Variants in DPP10 observed in about 807,000 individuals in gnomAD.
DPP10 encodes dipeptidyl peptidase like 10.
Under a neutral mutation model 120.9 loss-of-function variants are expected in DPP10, and 33 were observed. The ratio of observed to expected loss-of-function variants is 0.27; its 90% CI spans 0.21 to 0.37. The LOEUF (loss-of-function observed/expected upper bound fraction) is 0.37, where lower values mean the gene tolerates loss of function less well. DPP10 is among the 10% of genes least tolerant of loss of function. The pLI is 1.00. For synonymous variants in DPP10, 337 were observed against 326.1 expected (o/e 1.03, Z -0.36); for missense variants, 816 against 942.8 (o/e 0.87, Z 1.76).
At chr2:115,263,369 T>C (rs1469842445) in intron 1 of DPP10, among the ~76,000 whole-genome samples, 1 of 152,212 alleles carries the variant, frequency 6.6e-6, no homozygotes, top group Admixed American at 6.5e-5. Context: ...AAACCAAGTC[T>C]GTGTTGTGGC....
chr2:115,022,111 G>A (rs1703119319), intron 1 of DPP10, among the ~76,000 whole-genome samples: 1 of 152,066 alleles, frequency 6.6e-6, no homozygotes, highest in South Asian at 2.1e-4. Context: ...AACATAATAA[G>A]GATGCCCATT....
chr2:115,429,845 ACT>A (rs1199472764), intron 3 of DPP10, among the ~76,000 whole-genome samples: 2 of 152,076 alleles, frequency 1.3e-5, no homozygotes, highest in Non-Finnish European at 2.9e-5. Flanking sequence ...GGGTTTTCAC[ACT>A]CTGTTGAAAA....
chr2:115,742,658 G>T (rs1677433765), intron 9 of DPP10, among the ~76,000 whole-genome samples: 1 of 151,986 alleles, frequency 6.6e-6, no homozygotes, highest in Non-Finnish European at 1.5e-5. Flanking sequence ...TCAATTTTCA[G>T]ATTTTTTATT....
intron 5 of DPP10, among the ~76,000 whole-genome samples, chr2:115,597,942 AC>A (rs201611731): frequency 0.012 from 1,882 of 152,102 alleles, 30 homozygotes; most frequent in African/African-American, 0.044. Context: ...AAAATTCTAA[AC>A]TTCAGTTATT....
At chr2:115,379,608 T>C (rs1480726559) in intron 3 of DPP10, among the ~76,000 whole-genome samples, 1 of 152,140 alleles carries the variant, frequency 6.6e-6, no homozygotes, top group Admixed American at 6.5e-5. Flanking sequence ...TTGAATGTGT[T>C]TGCTCTTGCT....
At chr2:114,583,012 T>C (rs1690664105) in intron 1 of DPP10, among the ~76,000 whole-genome samples, 1 of 152,190 alleles carries the variant, frequency 6.6e-6, no homozygotes, top group South Asian at 2.1e-4. Context: ...GGAATCTGCA[T>C]TTCTAACAAG....
chr2:115,354,470 T>C (rs2106321021), intron 3 of DPP10, among the ~76,000 whole-genome samples: 1 of 152,294 alleles, frequency 6.6e-6, no homozygotes, highest in Admixed American at 6.5e-5. Context: ...GTTTCTGCAT[T>C]AATTAGCATA....
intron 1 of DPP10, among the ~76,000 whole-genome samples, chr2:115,203,696 T>C (rs968114396): frequency 2.0e-5 from 3 of 152,162 alleles, no homozygotes; most frequent in Non-Finnish European, 2.9e-5. Flanking sequence ...GTTGGCACTT[T>C]GGCTTTGACC....
At chr2:115,292,182 C>G (rs11695752) in intron 1 of DPP10, among the ~76,000 whole-genome samples, 123,690 of 152,074 alleles carry the variant, frequency 0.81, 50,430 homozygotes, top group East Asian at 0.89. Context: ...CCAGTATTCA[C>G]CTAAACTTCA....
chr2:114,869,085 T>A, intron 1 of DPP10, among the ~76,000 whole-genome samples: 1 of 152,096 alleles, frequency 6.6e-6, no homozygotes, highest in East Asian at 1.9e-4. Flanking sequence ...TTTATTTTAT[T>A]TAAGAAGGAT....
At chr2:114,872,883 T>C (rs1690807511) in intron 1 of DPP10, among the ~76,000 whole-genome samples, 2 of 152,152 alleles carry the variant, frequency 1.3e-5, no homozygotes, top group Non-Finnish European at 2.9e-5. Flanking sequence ...CTACATAAAT[T>C]ACACGTTCAT....
chr2:115,825,851 G>T (rs928655040), intron 21 of DPP10, among the ~76,000 whole-genome samples: 1 of 152,214 alleles, frequency 6.6e-6, no homozygotes, highest in East Asian at 1.9e-4. Context: ...TCTAGAATTG[G>T]GCAAGACTTC....
intron 1 of DPP10, among the ~76,000 whole-genome samples, chr2:114,601,126 T>C (rs188785524): frequency 1.2e-4 from 19 of 152,002 alleles, no homozygotes; most frequent in African/African-American, 4.6e-4. Flanking sequence ...TGATTTTGTA[T>C]AACATCTTAT....
intron 1 of DPP10, chr2:115,297,287 T>A: frequency 2.5e-6 from 1 of 407,018 alleles, no homozygotes; most frequent in South Asian, 1.8e-5. Flanking sequence ...AAGCCTTATC[T>A]TAAATCATAA....
In DPP10 at chr2:115,104,553, A is replaced by G. The variant is rs546312277; in HGVS notation, c.61-204686A>G. Among the ~76,000 whole-genome samples the G allele has an allele frequency of 7.9e-5, 12 of 152,206 alleles. No homozygotes were observed. In the South Asian group the frequency reaches 2.3e-3, roughly 29 times the overall value. On this transcript the variant is annotated intron_variant, in intron 1 of 25. Transcript: ENST00000410059. ...TATGTGATCTTCCTTGTTCCTTCAC[A>G]CTGAGTAAGGTTTCATCCCTGTTTT...
rs558695816 is a variant in DPP10, at chr2:114,874,228, C to T, written c.60+431390C>T. 5.3e-5 allele frequency among the ~76,000 whole-genome samples: 8 copies of T among 152,216 alleles called. No homozygotes were observed. In the South Asian group the frequency reaches 8.3e-4, roughly 16 times the overall value. ...CCCCCAGACTGGGAAGGAATGGATC[C>T]GTGATCCATTTGTGAATAAGCCAAG... On this transcript the variant is annotated intron_variant, in intron 1 of 25. Coordinates refer to ENST00000410059, the MANE Select transcript of DPP10 (RefSeq NM_020868.6).
At chr2:115,083,772 A>C (rs1034077397) in intron 1 of DPP10, among the ~76,000 whole-genome samples, 1 of 152,210 alleles carries the variant, frequency 6.6e-6, no homozygotes, top group Admixed American at 6.5e-5. Flanking sequence ...TCACTAAGTG[A>C]TTTCTGCAAG....
chr2:115,157,244 C>CAAAAAAAAAAAAAA (rs569338436), intron 1 of DPP10, among the ~76,000 whole-genome samples: 1 of 101,512 alleles, frequency 9.9e-6, no homozygotes, highest in African/African-American at 3.6e-5. Flanking sequence ...TTAAATATAG[C>CAAAAAAAAAAAAAA]AAAAAAAAAA....
chr2:115,098,789 T>C lies in DPP10; in HGVS notation c.61-210450T>C, dbSNP rs138891222. 5.4e-3 allele frequency among the ~76,000 whole-genome samples: 827 copies of C among 152,260 alleles called. 8 individuals are homozygous for C. The highest frequency in any genetic ancestry group is 0.019 in the African/African-American group (771 of 41,546). On this transcript the variant is annotated intron_variant, in intron 1 of 25. Transcript: ENST00000410059. Reference sequence around the variant, plus strand: ...AGCTAGTCAGAAGTCATAAATGATATTCATTGTTTCTCTCTTCCATTATGA... The same window carrying C: ...AGCTAGTCAGAAGTCATAAATGATACTCATTGTTTCTCTCTTCCATTATGA...
Sources: allele counts gnomAD v4.1 joint callset (sites outside exome capture counted in the v4.1 genomes callset), GRCh38; gene constraint gnomAD v4.1.1; transcripts MANE v1.5; gene names NCBI Gene and HGNC (gene_info 2026-07-23, HGNC 2026-07-21).